ARL15: variants seen among roughly 807,000 people sequenced by gnomAD.
ARL15 encodes ADP-ribosylation factor-like protein 15.
ARL15 carries 19 observed loss-of-function variants against 25.2 expected under a neutral mutation model. That is an observed-to-expected ratio of 0.75 (90% CI 0.53 to 1.10). The LOEUF is 1.10. Ranked by LOEUF, ARL15 falls within the 50% of genes least tolerant of loss-of-function variation. The pLI, the probability that ARL15 is intolerant of heterozygous loss-of-function variation, is 0.00. For synonymous variants in ARL15, 94 were observed against 86.8 expected, an observed-to-expected ratio of 1.08 and a Z score of -0.46; for missense variants, 220 against 246.0, an observed-to-expected ratio of 0.89 and a Z score of 0.71.
At chr5:54,148,309 A>C (rs778849859) in intron 3 of ARL15, among the ~76,000 whole-genome samples, 2 of 152,206 alleles carry the variant, frequency 1.3e-5, no homozygotes, top group Non-Finnish European at 2.9e-5. Flanking sequence ...CACTATGAGG[A>C]GGCGTATTCC....
At chr5:54,198,972 G>A (rs1481243151) in intron 1 of ARL15, among the ~76,000 whole-genome samples, 1 of 151,970 alleles carries the variant, frequency 6.6e-6, no homozygotes, top group Non-Finnish European at 1.5e-5. Context: ...GAACAGAACA[G>A]AGCCCTCAGA....
chr5:53,971,642 G>C (rs943200048), intron 4 of ARL15, among the ~76,000 whole-genome samples: 8 of 152,010 alleles, frequency 5.3e-5, no homozygotes, highest in African/African-American at 1.7e-4. Flanking sequence ...CATTACTTGA[G>C]TTGGATGATA....
intron 3 of ARL15, among the ~76,000 whole-genome samples, chr5:54,149,752 G>C (rs1754008637): frequency 6.6e-6 from 1 of 152,136 alleles, no homozygotes; most frequent in South Asian, 2.1e-4. Context: ...TAATCCATCA[G>C]TCCATTCAGC....
intron 4 of ARL15, among the ~76,000 whole-genome samples, chr5:53,956,051 G>C (rs1250401783): frequency 6.6e-6 from 1 of 151,978 alleles, no homozygotes; most frequent in Non-Finnish European, 1.5e-5. Flanking sequence ...ATATACTAGA[G>C]AATTTACAAA....
chr5:54,305,125 C>T (rs978184291), intron 1 of ARL15, among the ~76,000 whole-genome samples: 14 of 152,104 alleles, frequency 9.2e-5, no homozygotes, highest in African/African-American at 3.1e-4. Flanking sequence ...CAGCCTATAA[C>T]CAAGAAACTA....
In ARL15 at chr5:54,136,654, T is replaced by C. The variant is rs912542571; in HGVS notation, c.253+17926A>G. ...TCTGAAAGAGCTTAAGCACACAAGA[T>C]AGAATTCTGGTTTTTGAACTGTATT... On this transcript the variant is annotated intron_variant, in intron 3 of 4. Transcript: ENST00000504924. Among the ~76,000 whole-genome samples the C allele has an allele frequency of 2.6e-5, 4 of 152,134 alleles. No individual in the cohort carries two copies. In the South Asian group the frequency reaches 8.3e-4, roughly 32 times the overall value.
chr5:53,886,378 A>C lies in ARL15; in HGVS notation c.*183T>G. ...CTCTCAGTAGTGTGTACTTGACGTT[A>C]ATGCCGATGATAATTCATCTGATCT... On this transcript the variant is annotated 3_prime_UTR_variant, in exon 5 of 5. Transcript: ENST00000504924. The C allele has an allele frequency of 1.6e-6, 1 of 627,142 alleles. No individual in the cohort carries two copies. Among genetic ancestry groups the C allele is most frequent in the Admixed American group, 3.2e-5 (1 of 31,240 alleles). 38.8% of individuals were successfully genotyped at this position (627,142 alleles called of 1,614,324 possible). A position where few individuals can be genotyped will look rare whatever the true frequency, so the allele number is the denominator to read the frequency against.
chr5:53,973,893 A>AT (rs1373420967), intron 4 of ARL15, among the ~76,000 whole-genome samples: 1 of 151,982 alleles, frequency 6.6e-6, no homozygotes, highest in African/African-American at 2.4e-5. Flanking sequence ...ATTTTCAACG[A>AT]TTTTTCCCTT....
chr5:54,016,997 G>C (rs1255245997), intron 4 of ARL15, among the ~76,000 whole-genome samples: 2 of 152,216 alleles, frequency 1.3e-5, no homozygotes, highest in African/African-American at 4.8e-5. Context: ...AGCAAAGAAA[G>C]TGAATTTGCC....
At chr5:53,921,109 T>C in intron 4 of ARL15, among the ~76,000 whole-genome samples, 1 of 152,204 alleles carries the variant, frequency 6.6e-6, no homozygotes, top group East Asian at 1.9e-4. Context: ...GTAAGCTTTA[T>C]AGCAACTGTA....
intron 4 of ARL15, among the ~76,000 whole-genome samples, chr5:53,922,907 A>C (rs1745901361): frequency 6.6e-6 from 1 of 152,216 alleles, no homozygotes. Context: ...CAAGTAGAGC[A>C]GCACTCCATA....
intron 4 of ARL15, among the ~76,000 whole-genome samples, chr5:54,042,866 G>A (rs779768584): frequency 6.6e-6 from 1 of 151,972 alleles, no homozygotes; most frequent in Non-Finnish European, 1.5e-5. Flanking sequence ...TTCCTGCTTG[G>A]AGAAGGCAGC....
At chr5:53,948,358 A>G (rs1373137364) in intron 4 of ARL15, among the ~76,000 whole-genome samples, 1 of 152,254 alleles carries the variant, frequency 6.6e-6, no homozygotes, top group Non-Finnish European at 1.5e-5. Flanking sequence ...GGTCTTCTAT[A>G]TGACTACCTA....
At chr5:53,964,078 T>C (rs1405014086) in intron 4 of ARL15, among the ~76,000 whole-genome samples, 1 of 152,138 alleles carries the variant, frequency 6.6e-6, no homozygotes, top group Non-Finnish European at 1.5e-5. Context: ...CTGTGCAGAA[T>C]ACTGAAGCCT....
chr5:54,163,355 G>GTTT lies in ARL15; in HGVS notation c.193+8428_193+8429insAAA, dbSNP rs1754465268. On this transcript the variant is annotated intron_variant, in intron 2 of 4. Transcript: ENST00000504924. ...TGTCCATGAGGGCTATTGGTATGAA[G>GTTT]CTTTTTTTTTTTTTTTTTTTTTTTT... is the stretch of plus-strand genomic sequence containing the variant. Among the ~76,000 whole-genome samples, 16 of 51,346 alleles carry GTTT rather than the reference G, an allele frequency of 3.1e-4. 2 individuals are homozygous for GTTT. The highest frequency in any genetic ancestry group is 8.3e-4 in the African/African-American group (10 of 12,092). 33.7% of individuals were successfully genotyped at this position (51,346 alleles called of 152,430 possible).
chr5:54,239,901 A>G (rs533500029), intron 1 of ARL15, among the ~76,000 whole-genome samples: 14 of 152,258 alleles, frequency 9.2e-5, no homozygotes, highest in African/African-American at 3.4e-4. Context: ...AACTTGTTTG[A>G]ACTGTTGTTC....
intron 4 of ARL15, among the ~76,000 whole-genome samples, chr5:54,000,094 A>G (rs568440592): frequency 8.5e-5 from 13 of 152,216 alleles, no homozygotes; most frequent in African/African-American, 2.9e-4. Context: ...AGCAAAAAAG[A>G]AAAGCTACAC....
intron 1 of ARL15, among the ~76,000 whole-genome samples, chr5:54,180,502 C>T (rs548928509): frequency 6.6e-6 from 1 of 152,300 alleles, no homozygotes; most frequent in Admixed American, 6.5e-5. Flanking sequence ...TCTCCACGTT[C>T]CAAGAGCAAC....
chr5:54,017,264 T>C (rs1749454095), intron 4 of ARL15, among the ~76,000 whole-genome samples: 1 of 152,174 alleles, frequency 6.6e-6, no homozygotes, highest in Non-Finnish European at 1.5e-5. Flanking sequence ...CATGCAAACA[T>C]GTGCACCCTG....
Sources: allele counts gnomAD v4.1 joint callset (sites outside exome capture counted in the v4.1 genomes callset), GRCh38; gene constraint gnomAD v4.1.1; transcripts MANE v1.5; gene names NCBI Gene and HGNC (gene_info 2026-07-23, HGNC 2026-07-21).